Variants in IQSEC1 observed in about 807,000 individuals in gnomAD.
The protein encoded by IQSEC1 is IQ motif and SEC7 domain-containing protein 1.
Under a neutral mutation model 91.0 loss-of-function variants are expected in IQSEC1, and 31 were observed. The observed-to-expected ratio is 0.34, with a 90% CI of 0.26 to 0.46. The LOEUF is 0.46. IQSEC1 is among the 20% of genes least tolerant of loss of function. IQSEC1 has a pLI of 1.00. For missense variants in IQSEC1, 1,388 were observed against 1,575.6 expected (o/e 0.88, Z 2.02); for synonymous variants, 699 against 662.6 (o/e 1.05, Z -0.84).
chr3:13,196,727 CGTGT>C (rs1052180727), intron 1 of IQSEC1, among the ~76,000 whole-genome samples: 4 of 149,894 alleles, frequency 2.7e-5, no homozygotes, highest in South Asian at 2.1e-4. Context: ...CATGCGCGTG[CGTGT>C]GTATGTACAT....
rs750868980 is a variant in IQSEC1 at position 12,922,236 on chromosome 3, G to A, written c.1737C>T (p.Val579=). The change falls in exon 5 of 14, where the codon GTC becomes GTT. Residue 579 remains valine (V), a synonymous_variant. Coordinates refer to ENST00000613206, the MANE Select transcript of IQSEC1 (RefSeq NM_001134382.3). This position sits in a 1 kb window ranked among gnomAD's most constrained non-coding sequence, Gnocchi z 5.1. The part of the protein sequence containing the change: ...KQFNRDVLDC[V]VDEMDFSTME... Reference sequence around the variant, plus strand: ...TGGTAGAGAAGTCCATCTCGTCCACGACGCAGCTGGAATAGAGACAGACAG... The same window carrying A: ...TGGTAGAGAAGTCCATCTCGTCCACAACGCAGCTGGAATAGAGACAGACAG... 13 of 1,587,862 alleles carry A rather than the reference G, an allele frequency of 8.2e-6. No individual in the cohort carries two copies. The South Asian group carries it at 1.1e-4, about 14-fold the overall frequency.
chr3:12,922,294 G>T lies in IQSEC1; in HGVS notation c.1731-52C>A. 1 of 1,473,634 alleles carries T rather than the reference G, an allele frequency of 6.8e-7. No homozygotes were observed. The highest frequency in any genetic ancestry group is 9.1e-7 in the Non-Finnish European group (1 of 1,098,828). The allele number at this position is 1,473,634 out of a possible 1,614,324, so 91.3% of individuals were successfully genotyped here. ...TAAGCACCCCTTGCAGGTGCGACAC[G>T]CCCAGCCCACCCCCAGGTGGTGGTG... On this transcript the variant is annotated intron_variant, in intron 4 of 13. Coordinates refer to ENST00000613206, the MANE Select transcript of IQSEC1 (RefSeq NM_001134382.3). The surrounding 1 kb of genome is among the most constrained non-coding windows in gnomAD (Gnocchi z 5.1).
intron 1 of IQSEC1, among the ~76,000 whole-genome samples, chr3:13,200,131 T>C (rs1477277790): frequency 1.4e-5 from 2 of 144,394 alleles, no homozygotes; most frequent in African/African-American, 2.7e-5. Context: ...CACAGACTAC[T>C]CACATATGCC....
chr3:12,983,216 A>G lies in IQSEC1; in HGVS notation c.24-41351T>C, dbSNP rs1701555634. On this transcript the variant is annotated intron_variant, in intron 1 of 13. Coordinates refer to ENST00000613206, the MANE Select transcript of IQSEC1 (RefSeq NM_001134382.3). This position sits in a 1 kb window ranked among gnomAD's most constrained non-coding sequence, Gnocchi z 4.3. ...GCTCCAGCTCCAGCACCTAAGCCCC[A>G]TCCTCTGCAAACAGGGGTTTCACCC... is the stretch of plus-strand genomic sequence containing the variant. Among the ~76,000 whole-genome samples, 1 of 152,196 alleles carries G rather than the reference A, an allele frequency of 6.6e-6. No individual in the cohort carries two copies. The highest frequency in any genetic ancestry group is 2.1e-4 in the South Asian group (1 of 4,838).
intron 2 of IQSEC1, among the ~76,000 whole-genome samples, chr3:13,151,731 C>T (rs1239004605): frequency 1.3e-5 from 2 of 151,930 alleles, no homozygotes; most frequent in Admixed American, 6.6e-5. Context: ...TTTGGGAGGC[C>T]GAGGCGGGAG....
intron 1 of IQSEC1, among the ~76,000 whole-genome samples, chr3:13,019,689 C>T (rs967187356): frequency 2.6e-5 from 4 of 152,194 alleles, no homozygotes; most frequent in African/African-American, 7.2e-5. Context: ...ACCACAGGGG[C>T]GCCTGGCAGT....
chr3:12,968,201 G>A (rs1461160236), intron 1 of IQSEC1, among the ~76,000 whole-genome samples: 1 of 152,144 alleles, frequency 6.6e-6, no homozygotes, highest in Non-Finnish European at 1.5e-5. Context: ...ATAAAACCTG[G>A]CCTTTGCCTG....
At chr3:13,060,695 T>C (rs563175372) in intron 1 of IQSEC1, among the ~76,000 whole-genome samples, 1 of 152,312 alleles carries the variant, frequency 6.6e-6, no homozygotes, top group South Asian at 2.1e-4. Flanking sequence ...CCGGTATGTC[T>C]GGCCAGCAGC....
intron 1 of IQSEC1, among the ~76,000 whole-genome samples, chr3:13,183,221 A>G (rs1280212782): frequency 2.0e-5 from 3 of 152,242 alleles, no homozygotes; most frequent in Middle Eastern, 3.4e-3. Context: ...ATAAATAAAT[A>G]AAAAAGAAAT....
At position 12,936,064 on chromosome 3, in the gene IQSEC1, G is replaced by A. The variant is rs1404930637; in HGVS notation, c.952C>T (p.Leu318=). ...GDRPSSTESD[L]RLRAGGAAPD... is the part of the protein sequence containing the mutation. ...GCTGCGCCCCCAGCCCGTAGCCGCA[G>A]GTCCGACTCGGTGCTGGACGGCCGG... is the stretch of plus-strand genomic sequence containing the variant. Residue 318 remains leucine, a synonymous_variant, in exon 3 of 14, where the codon CTG becomes TTG. Coordinates refer to ENST00000613206, the MANE Select transcript of IQSEC1 (RefSeq NM_001134382.3). 2 of 1,607,320 alleles carry A rather than the reference G, an allele frequency of 1.2e-6. No homozygotes were observed. Among genetic ancestry groups the A allele is most frequent in the Non-Finnish European group, 1.7e-6 (2 of 1,179,782 alleles).
chr3:13,072,025 T>G (rs456894), intron 1 of IQSEC1, among the ~76,000 whole-genome samples: 78,093 of 151,678 alleles, frequency 0.51, 20,292 homozygotes, highest in East Asian at 0.65. Context: ...CCTCCATCGA[T>G]TAGGGAGGCC....
intron 1 of IQSEC1, among the ~76,000 whole-genome samples, chr3:13,194,187 G>A (rs1274534551): frequency 6.6e-6 from 1 of 152,188 alleles, no homozygotes; most frequent in African/African-American, 2.4e-5. Context: ...AGGTTATGGG[G>A]GTTAGGGCTT....
chr3:12,985,820 G>GT (rs1701709087), intron 1 of IQSEC1, among the ~76,000 whole-genome samples: 1 of 152,210 alleles, frequency 6.6e-6, no homozygotes, highest in Non-Finnish European at 1.5e-5. Context: ...CTTTTATAAT[G>GT]TTTAAGATTT....
intron 1 of IQSEC1, among the ~76,000 whole-genome samples, chr3:13,264,309 C>G (rs482501): frequency 0.7 from 105,952 of 152,004 alleles, 37,250 homozygotes; most frequent in East Asian, 0.97. Flanking sequence ...CCTGACCTGC[C>G]CATGGAAACC....
At chr3:12,906,712 A>G (rs1043156482) in intron 12 of IQSEC1, among the ~76,000 whole-genome samples, 3 of 152,152 alleles carry the variant, frequency 2.0e-5, no homozygotes, top group African/African-American at 7.2e-5. Context: ...TCCAACCCCC[A>G]AGCTCTGGCA....
chr3:12,960,852 C>T (rs144878541), intron 1 of IQSEC1, among the ~76,000 whole-genome samples: 231 of 152,324 alleles, frequency 1.5e-3, no homozygotes, highest in African/African-American at 5.3e-3. Flanking sequence ...CCCTTCCTGC[C>T]GGCACGCATA....
rs1706091765 is a variant in IQSEC1 at position 13,103,089 on chromosome 3, A to G, written c.303-55567T>C. ...CTGCGCAGGGATGCAGCTTGCTCCCATGCTCTGAAGTAGAGCCAGGGCCCC... is the reference window on the plus strand; with the variant it reads ...CTGCGCAGGGATGCAGCTTGCTCCCGTGCTCTGAAGTAGAGCCAGGGCCCC... On this transcript the variant is annotated intron_variant, in intron 2 of 15. Coordinates refer to the IQSEC1 transcript ENST00000648114. The surrounding 1 kb of genome is among the most constrained non-coding windows in gnomAD (Gnocchi z 4.1). Among the ~76,000 whole-genome samples the G allele has an allele frequency of 6.6e-6, 1 of 151,920 alleles. No homozygotes were observed. Among genetic ancestry groups the G allele is most frequent in the Non-Finnish European group, 1.5e-5 (1 of 67,976 alleles).
At chr3:13,061,799 G>A (rs531528281) in intron 1 of IQSEC1, among the ~76,000 whole-genome samples, 46 of 152,204 alleles carry the variant, frequency 3.0e-4, no homozygotes, top group African/African-American at 9.4e-4. Context: ...GTTTACCCCC[G>A]TCCCAACAAA....
At chr3:12,932,693 G>A (rs924004883) in intron 3 of IQSEC1, among the ~76,000 whole-genome samples, 13 of 152,174 alleles carry the variant, frequency 8.5e-5, no homozygotes, top group Non-Finnish European at 2.9e-5. Flanking sequence ...CCGGGTGCAG[G>A]CAGTGAGGCT....
Sources: gnomAD v4.1 joint callset for allele counts (sites outside exome capture counted in the v4.1 genomes callset) on GRCh38, gnomAD v4.1.1 for gene constraint, Gnocchi (gnomAD v3.1) non-coding constraint, MANE v1.5 for transcripts, NCBI Gene and HGNC (gene_info 2026-07-23, HGNC 2026-07-21) for gene names.